Variants in PON1 observed in about 807,000 individuals in gnomAD.
PON1 encodes serum paraoxonase/arylesterase 1.
PON1 carries 37 observed loss-of-function variants against 39.2 expected under a neutral mutation model. The ratio of observed to expected loss-of-function variants is 0.94; its 90% confidence interval spans 0.73 to 1.24. The LOEUF is 1.24. Ranked by LOEUF, PON1 falls within the 50% of genes most tolerant of loss-of-function variation. The pLI, the probability that PON1 is intolerant of heterozygous loss-of-function variation, is 0.00. For synonymous variants in PON1, 148 were observed against 152.2 expected, an observed-to-expected ratio of 0.97 and a Z score of 0.21; for missense variants, 397 against 413.5, an observed-to-expected ratio of 0.96 and a Z score of 0.35.
intron 6 of PON1, 27 bp downstream of exon 6, chr7:95,307,984 C>T (rs1443115414): frequency 1.3e-6 from 2 of 1,581,862 alleles, no homozygotes; most frequent in South Asian, 2.2e-5. Flanking sequence ...CTGAGTAAAT[C>T]CACTACATTT....
intron 7 of PON1, among the ~76,000 whole-genome samples, chr7:95,304,723 G>A (rs1190831701): frequency 6.6e-6 from 1 of 152,164 alleles, no homozygotes; most frequent in African/African-American, 2.4e-5. Context: ...GCCTCAGCTA[G>A]TTTATCAAAT....
At chr7:95,306,451 G>A (rs547406133) in intron 6 of PON1, 85 bp from the exon 7 acceptor site, 23 of 984,680 alleles carry the variant, frequency 2.3e-5, no homozygotes, top group Admixed American at 1.5e-4. Context: ...CTATTCATAG[G>A]GAAGAACTTT....
At chr7:95,310,486 T>G (rs1037481978) in intron 5 of PON1, among the ~76,000 whole-genome samples, 5 of 152,326 alleles carry the variant, frequency 3.3e-5, no homozygotes, top group Middle Eastern at 3.4e-3. Context: ...GAACTTTTAT[T>G]CATCTTGATG....
chr7:95,309,611 A>G (rs942747581), intron 5 of PON1, among the ~76,000 whole-genome samples: 1 of 152,118 alleles, frequency 6.6e-6, no homozygotes, highest in African/African-American at 2.4e-5. Context: ...GCATCCTGAC[A>G]CTGCTTGCTA....
At chr7:95,319,415 G>A (rs1807847547) in intron 1 of PON1, among the ~76,000 whole-genome samples, 1 of 152,152 alleles carries the variant, frequency 6.6e-6, no homozygotes, top group African/African-American at 2.4e-5. Context: ...TCAGGCCACT[G>A]GCTATCATTT....
At chr7:95,300,475 G>T (rs1474340523) in intron 8 of PON1, among the ~76,000 whole-genome samples, 2 of 152,194 alleles carry the variant, frequency 1.3e-5, no homozygotes, top group African/African-American at 4.8e-5. Flanking sequence ...CGTTCAAAAT[G>T]ACCTCTTAAA....
chr7:95,302,811 A>G (rs1807463885), intron 7 of PON1, among the ~76,000 whole-genome samples: 1 of 152,168 alleles, frequency 6.6e-6, no homozygotes, highest in African/African-American at 2.4e-5. Flanking sequence ...CAGAGAAGAA[A>G]TGATCACCCA....
chr7:95,304,328 T>G (rs745960263), intron 7 of PON1, among the ~76,000 whole-genome samples: 141 of 73,520 alleles, frequency 1.9e-3, no homozygotes, highest in Non-Finnish European at 2.4e-3. Flanking sequence ...ACTTCATTCC[T>G]TTTTTTTTTT....
intron 7 of PON1, among the ~76,000 whole-genome samples, chr7:95,304,100 C>G (rs1347361304): frequency 6.6e-6 from 1 of 152,112 alleles, no homozygotes; most frequent in Non-Finnish European, 1.5e-5. Context: ...TAATCAGCCC[C>G]AAATAGAAAT....
chr7:95,307,763 A>C (rs1273931209), intron 6 of PON1, among the ~76,000 whole-genome samples: 1 of 152,184 alleles, frequency 6.6e-6, no homozygotes, highest in Non-Finnish European at 1.5e-5. Flanking sequence ...TCAAATCTTC[A>C]TCACAGTTCC....
chr7:95,323,650 C>T (rs1807948576), intron 1 of PON1, among the ~76,000 whole-genome samples: 1 of 152,146 alleles, frequency 6.6e-6, no homozygotes, highest in African/African-American at 2.4e-5. Context: ...CCCCACCCCC[C>T]TTGTATAGCA....
At chr7:95,311,169 T>G in intron 5 of PON1, among the ~76,000 whole-genome samples, 1 of 152,044 alleles carries the variant, frequency 6.6e-6, no homozygotes. Context: ...CTAAGTCTGG[T>G]TCTGAAGAAG....
In PON1 at chr7:95,298,373, TAATA is replaced by T. The variant is rs1010767647; in HGVS notation, c.*567_*570del. On this transcript the variant is annotated 3_prime_UTR_variant, in exon 9 of 9. Coordinates refer to ENST00000222381, the MANE Select transcript of PON1 (RefSeq NM_000446.7). Reference sequence around the variant, plus strand: ...CAAGGGGAGTTGGAATAATTCAGGTTAATATTTACTGAGAAAAAGTCATATATCG... The same window carrying T: ...CAAGGGGAGTTGGAATAATTCAGGTTTTTACTGAGAAAAAGTCATATATCG... 3 of 163,470 alleles carry T rather than the reference TAATA, an allele frequency of 1.8e-5. No homozygotes were observed. Among genetic ancestry groups the T allele is most frequent in the African/African-American group, 7.2e-5 (3 of 41,572 alleles). 10.1% of individuals were successfully genotyped at this position (163,470 alleles called of 1,614,324 possible).
chr7:95,319,703 T>A (rs1030602537), intron 1 of PON1, among the ~76,000 whole-genome samples: 2 of 152,106 alleles, frequency 1.3e-5, no homozygotes, highest in Non-Finnish European at 2.9e-5. Flanking sequence ...AAAATGAAAA[T>A]CTGACATTAT....
chr7:95,315,494 A>G lies in PON1; in HGVS notation c.202-4T>C, dbSNP rs775072784. ...TTATTCCAGGATACTTTAATCCCTT[A>G]TAAACCATGGAGGAGAAAAATCAAG... On this transcript the variant is annotated splice_polypyrimidine_tract_variant and splice_region_variant and intron_variant, in intron 3 of 8. Transcript: ENST00000222381. 83 of 1,613,550 alleles carry G rather than the reference A, an allele frequency of 5.1e-5. No individual in the cohort carries two copies. Among genetic ancestry groups the G allele is most frequent in the Non-Finnish European group, 6.4e-5 (75 of 1,179,798 alleles).
chr7:95,302,126 G>C, intron 8 of PON1, 79 bp downstream of exon 8: 14 of 521,906 alleles, frequency 2.7e-5, no homozygotes, highest in Non-Finnish European at 3.6e-5. Context: ...AAAAAACCAA[G>C]AATTGAGAAT....
In PON1 at chr7:95,304,769, A is replaced by T. The variant is rs12669112; in HGVS notation, c.780+1516T>A. 5.3e-5 allele frequency among the ~76,000 whole-genome samples: 8 copies of T among 152,326 alleles called. No homozygotes were observed. The East Asian group carries it at 1.5e-3, about 29-fold the overall frequency. On this transcript the variant is annotated intron_variant, in intron 7 of 8. Coordinates refer to ENST00000222381, the MANE Select transcript of PON1 (RefSeq NM_000446.7). The stretch of plus-strand genomic sequence containing the variant: ...TCTCGGGCATTAATTAACTGATATT[A>T]ATTAATACGGTCTTTCAAAAGAAAG...
At chr7:95,321,023 GGTGA>G (rs1807885509) in intron 1 of PON1, among the ~76,000 whole-genome samples, 1 of 152,170 alleles carries the variant, frequency 6.6e-6, no homozygotes, top group African/African-American at 2.4e-5. Context: ...ATCTGCATCT[GGTGA>G]GGGGCTCTGG....
chr7:95,323,440 C>T (rs1021382575), intron 1 of PON1, among the ~76,000 whole-genome samples: 2 of 152,106 alleles, frequency 1.3e-5, no homozygotes, highest in African/African-American at 4.8e-5. Flanking sequence ...AAAACATCCA[C>T]AATAAATAGT....
Sources: allele counts gnomAD v4.1 joint callset (sites outside exome capture counted in the v4.1 genomes callset), GRCh38; gene constraint gnomAD v4.1.1; transcripts MANE v1.5; gene names NCBI Gene and HGNC (gene_info 2026-07-23, HGNC 2026-07-21).